The following DIAPH1 variants were observed in gnomAD, a reference collection of about 807,000 sequenced individuals.
DIAPH1 encodes protein diaphanous homolog 1.
A neutral mutation model predicts 140.7 loss-of-function variants in DIAPH1; 46 were observed. That is an observed-to-expected ratio of 0.33 (90% CI 0.26 to 0.42). DIAPH1 has a LOEUF of 0.42. Among genes scored for constraint, DIAPH1 ranks in the 10% least tolerant of loss-of-function variants. The pLI is 1.00. For synonymous variants in DIAPH1, 565 were observed against 551.6 expected, an observed-to-expected ratio of 1.02 and a Z score of -0.34; for missense variants, 1,310 against 1,558.7, an observed-to-expected ratio of 0.84 and a Z score of 2.69.
chr5:141,603,472 T>C (rs2099900470), intron 1 of DIAPH1, among the ~76,000 whole-genome samples: 1 of 152,184 alleles, frequency 6.6e-6, no homozygotes, highest in Non-Finnish European at 1.5e-5. Flanking sequence ...AAGAGTTCTA[T>C]CAATCTACCC....
intron 2 of DIAPH1, 165 bp from the exon 3 acceptor site, chr5:141,587,362 A>G: frequency 1.4e-6 from 1 of 702,568 alleles, no homozygotes; most frequent in Non-Finnish European, 2.5e-6. Flanking sequence ...TCTTCCTCCT[A>G]TCTAACTTAC....
rs747919773 is a variant in DIAPH1, at chr5:141,583,107, CACA to C, written c.620+96_620+98del. 1.6e-5 allele frequency: 17 copies of C among 1,074,960 alleles called. No homozygotes were observed. The East Asian group carries it at 2.6e-4, about 16-fold the overall frequency. 66.6% of individuals were successfully genotyped at this position (1,074,960 alleles called of 1,614,324 possible). A position where few individuals can be genotyped will look rare whatever the true frequency, so the allele number is the denominator to read the frequency against. On this transcript the variant is annotated intron_variant, in intron 6 of 27. Coordinates refer to ENST00000389054, the MANE Select transcript of DIAPH1 (RefSeq NM_005219.5). Reference sequence around the variant, plus strand: ...TGGCTAACAGTACATTCCCCTAGCCCACAACTTTACATTTAACTGCTACTTTCT... The same window carrying C: ...TGGCTAACAGTACATTCCCCTAGCCCACTTTACATTTAACTGCTACTTTCT...
chr5:141,578,937 G>C, intron 9 of DIAPH1, 151 bp downstream of exon 9: 2 of 751,794 alleles, frequency 2.7e-6, no homozygotes, highest in Non-Finnish European at 4.8e-6. Context: ...TTCTTAGAAA[G>C]AAGGTTAATC....
chr5:141,587,931 A>G (rs1326905256), intron 2 of DIAPH1, among the ~76,000 whole-genome samples: 1 of 152,250 alleles, frequency 6.6e-6, no homozygotes, highest in Non-Finnish European at 1.5e-5. Context: ...TTGTTTGAAA[A>G]TAACAGTAAT....
intron 19 of DIAPH1, among the ~76,000 whole-genome samples, chr5:141,532,902 T>C (rs1293938562): frequency 6.6e-6 from 1 of 152,244 alleles, no homozygotes; most frequent in East Asian, 1.9e-4. Flanking sequence ...CTTATGTTCC[T>C]AGAGATACTC....
chr5:141,583,914 C>T (rs1431331884), intron 4 of DIAPH1, among the ~76,000 whole-genome samples: 3 of 152,096 alleles, frequency 2.0e-5, no homozygotes, highest in East Asian at 3.9e-4. Context: ...ATCCCATTCC[C>T]TATATTTACA....
chr5:141,544,991 CA>C (rs1372416733), intron 18 of DIAPH1, among the ~76,000 whole-genome samples: 1 of 152,184 alleles, frequency 6.6e-6, no homozygotes, highest in East Asian at 1.9e-4. Flanking sequence ...AAACTGGATA[CA>C]ACCCAGATGT....
At chr5:141,548,958 G>A (rs2099891259) in intron 18 of DIAPH1, among the ~76,000 whole-genome samples, 2 of 152,092 alleles carry the variant, frequency 1.3e-5, no homozygotes, top group Admixed American at 6.5e-5. Flanking sequence ...GGTATATAAC[G>A]ACAGGGGAAA....
chr5:141,564,291 C>T (rs2099894047), intron 18 of DIAPH1: 1 of 152,202 alleles, frequency 6.6e-6, no homozygotes, highest in Non-Finnish European at 1.5e-5. Flanking sequence ...GGGCAGTATA[C>T]TAATCAGCTT....
chr5:141,576,542 GT>G (rs2099895990), intron 13 of DIAPH1, among the ~76,000 whole-genome samples: 1 of 152,218 alleles, frequency 6.6e-6, no homozygotes, highest in Non-Finnish European at 1.5e-5. Context: ...ACCACCAGGA[GT>G]TCCTGCAAAA....
chr5:141,534,476 A>T, intron 18 of DIAPH1, 43 bp from the exon 19 acceptor site: 1 of 1,528,970 alleles, frequency 6.5e-7, no homozygotes, highest in Non-Finnish European at 9.0e-7. Context: ...AAAGTAAGCC[A>T]CCTCTGTGCT....
chr5:141,525,794 G>C (rs777564664), intron 26 of DIAPH1, among the ~76,000 whole-genome samples: 4 of 152,158 alleles, frequency 2.6e-5, no homozygotes, highest in Non-Finnish European at 4.4e-5. Flanking sequence ...ACAATCACAG[G>C]GGAATGAGAG....
rs2099887743 is a variant in DIAPH1 at position 141,528,647 on chromosome 5, A to G, written c.3018+55T>C. On this transcript the variant is annotated intron_variant, in intron 22 of 27. Coordinates refer to ENST00000389054, the MANE Select transcript of DIAPH1 (RefSeq NM_005219.5). ...CAAGATGGCCTCCTGCCAACACTGA[A>G]CTCATAGAGGCTACAGCCTTCCTTG... The G allele has an allele frequency of 2.5e-6, 4 of 1,614,154 alleles. No homozygotes were observed. In the Admixed American group the frequency reaches 5.0e-5, roughly 20 times the overall value.
chr5:141,557,448 AT>A (rs1245051889), intron 18 of DIAPH1, among the ~76,000 whole-genome samples: 1 of 152,044 alleles, frequency 6.6e-6, no homozygotes, highest in Non-Finnish European at 1.5e-5. Context: ...GTGTGCGTGC[AT>A]TTTTTTCACG....
intron 1 of DIAPH1, among the ~76,000 whole-genome samples, chr5:141,590,296 A>G (rs943823143): frequency 6.6e-6 from 1 of 152,230 alleles, no homozygotes; most frequent in African/African-American, 2.4e-5. Context: ...TCCATTGTCC[A>G]GAATAGGTCA....
At position 141,527,699 on chromosome 5, in the gene DIAPH1, T is replaced by TAAAAAAAAAA. The variant is rs79558427; in HGVS notation, c.3149-12_3149-3dup. The TAAAAAAAAAA allele has an allele frequency of 2.0e-4, 222 of 1,132,420 alleles. No homozygotes were observed. Among genetic ancestry groups the TAAAAAAAAAA allele is most frequent in the East Asian group, 6.9e-4 (19 of 27,512 alleles). The allele number at this position is 1,132,420 out of a possible 1,614,324, so 70.1% of individuals were successfully genotyped here. On this transcript the variant is annotated splice_polypyrimidine_tract_variant and splice_region_variant and intron_variant, in intron 23 of 27. Transcript: ENST00000389054. ...TCTTTTGCAAGTTTTCAGCAGAAAC[T>TAAAAAAAAAA]AAAAAAAAAAAAAAAAAAAAAAACC...
intron 24 of DIAPH1, among the ~76,000 whole-genome samples, chr5:141,527,111 T>C (rs1339566586): frequency 6.6e-6 from 1 of 152,070 alleles, no homozygotes; most frequent in Non-Finnish European, 1.5e-5. Context: ...GCGTGTGTAG[T>C]GGAGACGGGG....
intron 1 of DIAPH1, among the ~76,000 whole-genome samples, chr5:141,608,902 TCC>T (rs1264126513): frequency 6.6e-6 from 1 of 152,098 alleles, no homozygotes; most frequent in Non-Finnish European, 1.5e-5. Context: ...AGTAACAGCT[TCC>T]CCCTTCCTGT....
At chr5:141,543,063 CTCAGT>C (rs1417765387) in intron 18 of DIAPH1, among the ~76,000 whole-genome samples, 2 of 147,780 alleles carry the variant, frequency 1.4e-5, no homozygotes, top group African/African-American at 2.5e-5. Context: ...GGTACTTCAT[CTCAGT>C]TTAGTTACAA....
Sources: allele counts gnomAD v4.1 joint callset (sites outside exome capture counted in the v4.1 genomes callset), GRCh38; gene constraint gnomAD v4.1.1; transcripts MANE v1.5; gene names NCBI Gene and HGNC (gene_info 2026-07-23, HGNC 2026-07-21).